BBOX1: variants seen among roughly 807,000 people sequenced by gnomAD.
BBOX1 encodes the protein gamma-butyrobetaine hydroxylase 1, also known as gamma-butyrobetaine dioxygenase.
In BBOX1, 35 loss-of-function variants were observed where a neutral mutation model predicts 41.6. The ratio of observed to expected loss-of-function variants is 0.84; its 90% CI spans 0.64 to 1.11. The LOEUF is 1.11. Ranked by LOEUF, BBOX1 falls within the 50% of genes most tolerant of loss-of-function variation. BBOX1 has a pLI of 0.00. For missense variants in BBOX1, 458 were observed against 460.6 expected, an observed-to-expected ratio of 0.99 and a Z score of 0.05; for synonymous variants, 163 against 154.7, an observed-to-expected ratio of 1.05 and a Z score of -0.40.
chr11:27,054,209 G>C (rs1590167927), intron 2 of BBOX1, among the ~76,000 whole-genome samples: 1 of 143,702 alleles, frequency 7.0e-6, no homozygotes, highest in Non-Finnish European at 1.5e-5. Flanking sequence ...GTGTGTCTGT[G>C]TGTGTGTGTG....
chr11:27,055,773 G>T (rs574993717), intron 3 of BBOX1, 124 bp downstream of exon 3: 8 of 786,150 alleles, frequency 1.0e-5, no homozygotes, highest in Admixed American at 5.6e-5. Context: ...ACCCACGTTT[G>T]TATAGTACTT....
At chr11:27,099,763 C>A (rs898067944) in intron 5 of BBOX1, among the ~76,000 whole-genome samples, 1 of 152,042 alleles carries the variant, frequency 6.6e-6, no homozygotes, top group South Asian at 2.1e-4. Context: ...TCCTCTACTG[C>A]GGACTTGCCT....
intron 2 of BBOX1, among the ~76,000 whole-genome samples, chr11:27,052,299 T>A (rs4923416): frequency 6.6e-6 from 1 of 152,050 alleles, no homozygotes; most frequent in East Asian, 1.9e-4. Flanking sequence ...CCACAGTTCT[T>A]ATTTCTTTTA....
At chr11:27,083,996 C>G (rs886982652) in intron 4 of BBOX1, among the ~76,000 whole-genome samples, 1 of 152,110 alleles carries the variant, frequency 6.6e-6, no homozygotes, top group African/African-American at 2.4e-5. Flanking sequence ...TTGTCACATA[C>G]ATGTCAGCAG....
intron 4 of BBOX1, among the ~76,000 whole-genome samples, chr11:27,060,080 T>G (rs1289078727): frequency 6.6e-6 from 1 of 152,096 alleles, no homozygotes; most frequent in African/African-American, 2.4e-5. Context: ...ATGATATGGT[T>G]TGCATGTTCC....
intron 4 of BBOX1, among the ~76,000 whole-genome samples, chr11:27,082,287 T>C (rs1857872266): frequency 1.3e-5 from 2 of 152,120 alleles, no homozygotes; most frequent in Admixed American, 6.6e-5. Context: ...AAAAGGTATA[T>C]TGTGCCTCAG....
At chr11:27,043,270 A>G (rs1307495524) in intron 2 of BBOX1, among the ~76,000 whole-genome samples, 1 of 151,970 alleles carries the variant, frequency 6.6e-6, no homozygotes, top group Non-Finnish European at 1.5e-5. Context: ...TCACCGTGTT[A>G]GCCAAGGTGG....
At chr11:27,126,668 C>CTT (rs1339375151) in intron 8 of BBOX1, among the ~76,000 whole-genome samples, 2 of 126,988 alleles carry the variant, frequency 1.6e-5, no homozygotes, top group South Asian at 3.2e-4. Context: ...AGAAACATTT[C>CTT]TTTTTTTTCT....
Position 27,127,337 on chromosome 11 carries a change from C to A in BBOX1, c.1048C>A (p.Arg350Ser), listed in dbSNP as rs781597328. Residue 350 changes from arginine (R) to serine (S), a missense_variant, in exon 9 of 9, where the codon CGT becomes AGT. By Grantham distance (110) the Arg-to-Ser change is moderately radical (BLOSUM62 -1). Coordinates refer to ENST00000263182, the MANE Select transcript of BBOX1 (RefSeq NM_003986.3). ...FDNWRLLHGR[R>S]SYEAGTEISR... ...TAACTGGCGCTTACTTCATGGCCGA[C>A]GTAGCTATGAAGCAGGAACTGAGAT... The A allele has an allele frequency of 6.4e-5, 103 of 1,613,954 alleles. No individual in the cohort carries two copies. Among genetic ancestry groups the A allele is most frequent in the Non-Finnish European group, 8.4e-5 (99 of 1,179,990 alleles).
chr11:27,061,458 A>C (rs1439303630), intron 4 of BBOX1, among the ~76,000 whole-genome samples: 1 of 152,232 alleles, frequency 6.6e-6, no homozygotes, highest in Non-Finnish European at 1.5e-5. Context: ...AAAGAAATTA[A>C]TGAGCCATTT....
intron 4 of BBOX1, among the ~76,000 whole-genome samples, chr11:27,063,446 T>A (rs1857191301): frequency 6.6e-6 from 1 of 152,162 alleles, no homozygotes; most frequent in Non-Finnish European, 1.5e-5. Context: ...TATTTGTTCT[T>A]TTTATTAATC....
chr11:27,112,718 G>A (rs1859115921), intron 5 of BBOX1, among the ~76,000 whole-genome samples: 1 of 151,794 alleles, frequency 6.6e-6, no homozygotes, highest in South Asian at 2.1e-4. Context: ...ATATAACCTA[G>A]GAAATACCAT....
chr11:27,053,715 G>A (rs866025078), intron 2 of BBOX1, among the ~76,000 whole-genome samples: 3 of 152,102 alleles, frequency 2.0e-5, no homozygotes, highest in Admixed American at 1.3e-4. Context: ...CAGAGAAACT[G>A]ATGTTAGGAC....
intron 4 of BBOX1, among the ~76,000 whole-genome samples, chr11:27,069,691 T>A (rs1251626691): frequency 1.3e-5 from 2 of 152,030 alleles, no homozygotes; most frequent in Non-Finnish European, 2.9e-5. Context: ...CCTTTTAACT[T>A]TTAATTTTTG....
intron 5 of BBOX1, among the ~76,000 whole-genome samples, chr11:27,096,177 A>G (rs942697266): frequency 6.6e-6 from 1 of 151,904 alleles, no homozygotes; most frequent in Admixed American, 6.6e-5. Context: ...AACTCTCACA[A>G]TGATGTGCAC....
At chr11:27,098,776 A>G (rs541781775) in intron 5 of BBOX1, among the ~76,000 whole-genome samples, 1 of 152,172 alleles carries the variant, frequency 6.6e-6, no homozygotes, top group South Asian at 2.1e-4. Context: ...AGAGAAAGGG[A>G]GAGAAAGAAA....
At chr11:27,123,481 C>CA (rs1196675643) in intron 7 of BBOX1, among the ~76,000 whole-genome samples, 1 of 151,904 alleles carries the variant, frequency 6.6e-6, no homozygotes, top group Non-Finnish European at 1.5e-5. Flanking sequence ...ACGACCCCCC[C>CA]AGAAGTTCCA....
chr11:27,053,394 A>T (rs2133956172), intron 2 of BBOX1, among the ~76,000 whole-genome samples: 1 of 152,340 alleles, frequency 6.6e-6, no homozygotes, highest in African/African-American at 2.4e-5. Context: ...TTTTGTGCAC[A>T]CCATGAACTA....
chr11:27,075,576 A>G (rs974902923), intron 4 of BBOX1, among the ~76,000 whole-genome samples: 8 of 152,166 alleles, frequency 5.3e-5, no homozygotes, highest in Non-Finnish European at 1.2e-4. Flanking sequence ...TTGCCAGGCC[A>G]GCAGGAAAGC....
Sources: gnomAD v4.1 joint callset for allele counts (sites outside exome capture counted in the v4.1 genomes callset) on GRCh38, gnomAD v4.1.1 for gene constraint, MANE v1.5 for transcripts, NCBI Gene and HGNC (gene_info 2026-07-23, HGNC 2026-07-21) for gene names.